The following SP1 variants were observed in gnomAD, a reference collection of about 807,000 sequenced individuals.
The protein encoded by SP1 is transcription factor Sp1.
Under a neutral mutation model 66.3 loss-of-function variants are expected in SP1, and 6 were observed. That is an observed-to-expected ratio of 0.09 (90% CI 0.05 to 0.18). The LOEUF is 0.18. Among genes scored for constraint, SP1 ranks in the 10% least tolerant of loss-of-function variants. The pLI, the probability that SP1 is intolerant of heterozygous loss-of-function variation, is 1.00. For synonymous variants in SP1, 417 were observed against 360.8 expected, an observed-to-expected ratio of 1.16 and a Z score of -1.77; for missense variants, 848 against 964.5, an observed-to-expected ratio of 0.88 and a Z score of 1.60.
At chr12:53,386,214 A>G (rs1214077375) in intron 3 of SP1, among the ~76,000 whole-genome samples, 2 of 152,070 alleles carry the variant, frequency 1.3e-5, no homozygotes, top group Non-Finnish European at 2.9e-5. Context: ...GTAGCAGTCT[A>G]ACTTCCTAGA....
At chr12:53,403,422 G>A (rs1938656313) in intron 3 of SP1, among the ~76,000 whole-genome samples, 1 of 152,044 alleles carries the variant, frequency 6.6e-6, no homozygotes, top group South Asian at 2.1e-4. Context: ...GTACAATCAG[G>A]ACTCACTGCT....
chr12:53,405,031 A>C (rs1427395251), intron 3 of SP1, among the ~76,000 whole-genome samples: 2 of 151,102 alleles, frequency 1.3e-5, no homozygotes, highest in African/African-American at 4.9e-5. Flanking sequence ...TATTTTTAGT[A>C]GAGATGGGGG....
rs188831439 is a variant in SP1, at chr12:53,387,669, C to G, written c.1675+4047C>G. Among the ~76,000 whole-genome samples, 19 of 152,232 alleles carry G rather than the reference C, an allele frequency of 1.2e-4. No individual in the cohort carries two copies. The East Asian group carries it at 3.3e-3, about 26-fold the overall frequency. ...GGGTGCAACCTGTTTTAACTAGGGA[C>G]TTGAACAATTCTTTAGATTGTTAAA... On this transcript the variant is annotated intron_variant, in intron 3 of 5. Transcript: ENST00000327443.
chr12:53,400,755 ATTTTT>A (rs10547195), intron 3 of SP1, among the ~76,000 whole-genome samples: 28 of 70,044 alleles, frequency 4.0e-4, no homozygotes, highest in South Asian at 5.3e-4. Flanking sequence ...CACTGGGCTA[ATTTTT>A]TTTTTTTTTT....
rs978294117 is a variant in SP1 at position 53,380,189 on chromosome 12, T to C, written c.-103T>C. ...TCCCTCCTCCTTACCCCCCCCTCCC[T>C]GTCCGGTCCGGGTTCGCTTGCCTCG... On this transcript the variant is annotated 5_prime_UTR_variant, in exon 1 of 6. Transcript: ENST00000327443. The C allele has an allele frequency of 1.1e-5, 8 of 701,948 alleles. No individual in the cohort carries two copies. The highest frequency in any genetic ancestry group is 1.8e-5 in the African/African-American group (1 of 55,230). The allele number at this position is 701,948 out of a possible 1,614,324, so 43.5% of individuals were successfully genotyped here. A position where few individuals can be genotyped will look rare whatever the true frequency, so the allele number is the denominator to read the frequency against.
Position 53,413,338 on chromosome 12 carries a change from TC to T in SP1, c.*2100del, listed in dbSNP as rs1000039371. 2 of 152,198 alleles carry T rather than the reference TC, an allele frequency of 1.3e-5. No homozygotes were observed. Among genetic ancestry groups the T allele is most frequent in the Non-Finnish European group, 2.9e-5 (2 of 68,030 alleles). The allele number at this position is 152,198 out of a possible 1,614,324, so 9.4% of individuals were successfully genotyped here. A position where few individuals can be genotyped will look rare whatever the true frequency, so the allele number is the denominator to read the frequency against. ...ACCAACATCCAGATCTATAGCAGAG[TC>T]CTTATTCTTCTCATAAATCTTTTTA... On this transcript the variant is annotated 3_prime_UTR_variant, in exon 6 of 6. Coordinates refer to ENST00000327443, the MANE Select transcript of SP1 (RefSeq NM_138473.3).
rs376884602 is a variant in SP1 at position 53,383,081 on chromosome 12, C to T, written c.1134C>T (p.Gly378=). Residue 378 remains glycine, a synonymous_variant, in exon 3 of 6, where the codon GGC becomes GGT. Coordinates refer to ENST00000327443, the MANE Select transcript of SP1 (RefSeq NM_138473.3). ...LNIQQNQTSG[G]SLQAGQQKEG... ...TCCAGCAAAACCAGACATCTGGAGGCTCATTGCAAGCAGGCCAGCAAAAAG... is the reference window on the plus strand; with the variant it reads ...TCCAGCAAAACCAGACATCTGGAGGTTCATTGCAAGCAGGCCAGCAAAAAG... 9 of 1,614,162 alleles carry T rather than the reference C, an allele frequency of 5.6e-6. No homozygotes were observed. The highest frequency in any genetic ancestry group is 7.6e-6 in the Non-Finnish European group (9 of 1,180,038).
At chr12:53,386,202 A>G (rs12312756) in intron 3 of SP1, among the ~76,000 whole-genome samples, 94 of 152,092 alleles carry the variant, frequency 6.2e-4, no homozygotes, top group African/African-American at 2.0e-3. Flanking sequence ...TGATACTTCT[A>G]GGTAGCAGTC....
chr12:53,397,576 T>A (rs1353470821), intron 3 of SP1, among the ~76,000 whole-genome samples: 1 of 143,494 alleles, frequency 7.0e-6, no homozygotes, highest in African/African-American at 2.6e-5. Flanking sequence ...GCGACTCTTT[T>A]TCCTTTTTTT....
In SP1 at chr12:53,414,568, A is replaced by C. The variant is rs1269671396; in HGVS notation, c.*3328A>C. The C allele has an allele frequency of 6.6e-6, 1 of 152,652 alleles. No homozygotes were observed. Among genetic ancestry groups the C allele is most frequent in the Non-Finnish European group, 1.5e-5 (1 of 68,036 alleles). 9.5% of individuals were successfully genotyped at this position (152,652 alleles called of 1,614,324 possible). A position where few individuals can be genotyped will look rare whatever the true frequency, so the allele number is the denominator to read the frequency against. ...AAATTACTATGGCTGATTTATTTCTACTATATACATATATATTTTTTGCTT... is the reference window on the plus strand; with the variant it reads ...AAATTACTATGGCTGATTTATTTCTCCTATATACATATATATTTTTTGCTT... On this transcript the variant is annotated 3_prime_UTR_variant, in exon 6 of 6. Coordinates refer to ENST00000327443, the MANE Select transcript of SP1 (RefSeq NM_138473.3).
intron 4 of SP1, 45 bp downstream of exon 4, chr12:53,406,798 A>ATAGATTTG: frequency 6.6e-7 from 1 of 1,521,066 alleles, no homozygotes; most frequent in Non-Finnish European, 8.9e-7. Flanking sequence ...AGAAAAATTA[A>ATAGATTTG]TAGATTTGGA....
At chr12:53,395,768 C>T (rs1171813281) in intron 3 of SP1, among the ~76,000 whole-genome samples, 1 of 150,974 alleles carries the variant, frequency 6.6e-6, no homozygotes, top group African/African-American at 2.4e-5. Flanking sequence ...GAGATCGAGA[C>T]CATCCTGGCT....
Position 53,411,078 on chromosome 12 carries a change from A to G in SP1, c.2196A>G (p.Ser732=). ...TGCCCCTGGACAGTGGGGCAGGTTC[A>G]GAAGGCAGTGGCACTGCCACTCCTT... ...GTLPLDSGAG[S]EGSGTATPSA... The change falls in exon 6 of 6, where the codon TCA becomes TCG. Residue 732 remains serine, a synonymous_variant. Transcript: ENST00000327443. The G allele has an allele frequency of 1.2e-6, 2 of 1,614,240 alleles. No individual in the cohort carries two copies. Among genetic ancestry groups the G allele is most frequent in the Non-Finnish European group, 8.5e-7 (1 of 1,180,038 alleles).
At chr12:53,393,625 TCTC>T (rs1308711171) in intron 3 of SP1, among the ~76,000 whole-genome samples, 1 of 147,648 alleles carries the variant, frequency 6.8e-6, no homozygotes, top group Non-Finnish European at 1.5e-5. Context: ...GAGACGGAAT[TCTC>T]CTCTTGTTGC....
At chr12:53,380,359 G>A (rs965683180) in intron 1 of SP1, 61 bp downstream of exon 1, 32 of 1,364,364 alleles carry the variant, frequency 2.3e-5, no homozygotes, top group Non-Finnish European at 2.8e-5. Context: ...GCGCGCGAGG[G>A]CCGACCGGGC....
rs371092613 is a variant in SP1 at position 53,398,255 on chromosome 12, C to T, written c.1676-8330C>T. ...TGTCAGTGTTTTAGATCTTAACTGC[C>T]TATAGGGCAGGAACCACCTCTTTTT... is the stretch of plus-strand genomic sequence containing the variant. On this transcript the variant is annotated intron_variant, in intron 3 of 5. Transcript: ENST00000327443. 2.6e-5 allele frequency among the ~76,000 whole-genome samples: 4 copies of T among 152,244 alleles called. No individual in the cohort carries two copies. In the South Asian group the frequency reaches 6.2e-4, roughly 24 times the overall value.
At position 53,416,267 on chromosome 12, in the gene SP1, C is replaced by T. The variant is rs1464478433; in HGVS notation, c.*5027C>T. The T allele has an allele frequency of 6.6e-6, 1 of 152,390 alleles. No homozygotes were observed. Among genetic ancestry groups the T allele is most frequent in the East Asian group, 1.9e-4 (1 of 5,186 alleles). The allele number at this position is 152,390 out of a possible 1,614,324, so 9.4% of individuals were successfully genotyped here. ...TAGGTATGTATGATGCTAATCTTGTCCCTAAGTAAGTTTCTTCCTGCTCCT... is the reference window on the plus strand; with the variant it reads ...TAGGTATGTATGATGCTAATCTTGTTCCTAAGTAAGTTTCTTCCTGCTCCT... On this transcript the variant is annotated 3_prime_UTR_variant, in exon 6 of 6. Transcript: ENST00000327443.
intron 3 of SP1, among the ~76,000 whole-genome samples, chr12:53,394,781 A>G (rs955959078): frequency 2.0e-5 from 3 of 150,706 alleles, no homozygotes; most frequent in East Asian, 3.9e-4. Flanking sequence ...TGCCCAGCTA[A>G]TTTTTTGTAT....
chr12:53,411,024 C>T lies in SP1; in HGVS notation c.2142C>T (p.Gly714=), dbSNP rs376595766. Reference sequence around the variant, plus strand: ...AGACCCACCAGAATAAGAAGGGAGGCCCAGGTGTAGCTCTGAGTGTGGGCA... The same window carrying T: ...AGACCCACCAGAATAAGAAGGGAGGTCCAGGTGTAGCTCTGAGTGTGGGCA... The part of the protein sequence containing the change: ...HIKTHQNKKG[G]PGVALSVGTL... The change falls in exon 6 of 6, where the codon GGC becomes GGT. Residue 714 remains glycine (G), a synonymous_variant. Coordinates refer to ENST00000327443, the MANE Select transcript of SP1 (RefSeq NM_138473.3). 37 of 1,614,008 alleles carry T rather than the reference C, an allele frequency of 2.3e-5. No individual in the cohort carries two copies. Among genetic ancestry groups the T allele is most frequent in the Non-Finnish European group, 3.1e-5 (36 of 1,179,970 alleles).
Sources: gnomAD v4.1 joint callset for allele counts (sites outside exome capture counted in the v4.1 genomes callset) on GRCh38, gnomAD v4.1.1 for gene constraint, MANE v1.5 for transcripts, NCBI Gene and HGNC (gene_info 2026-07-23, HGNC 2026-07-21) for gene names.